MEGF10: variants seen among roughly 807,000 people sequenced by gnomAD.
The protein encoded by MEGF10 is multiple EGF like domains 10, also known as multiple epidermal growth factor-like domains protein 10.
In MEGF10, 86 loss-of-function variants were observed where a neutral mutation model predicts 147.5. The observed-to-expected ratio is 0.58, with a 90% CI of 0.49 to 0.70. MEGF10 has a LOEUF of 0.70. Among genes scored for constraint, MEGF10 ranks in the 30% least tolerant of loss-of-function variants. The pLI, the probability that MEGF10 is intolerant of heterozygous loss-of-function variation, is 0.00. For synonymous variants in MEGF10, 478 were observed against 525.5 expected, an observed-to-expected ratio of 0.91 and a Z score of 1.24; for missense variants, 1,329 against 1,487.3, an observed-to-expected ratio of 0.89 and a Z score of 1.75.
At chr5:127,308,358 C>G (rs1237110275) in intron 1 of MEGF10, among the ~76,000 whole-genome samples, 1 of 152,146 alleles carries the variant, frequency 6.6e-6, no homozygotes, top group Non-Finnish European at 1.5e-5. Context: ...AGGTCCAGAT[C>G]CCTAAGATAT....
intron 5 of MEGF10, among the ~76,000 whole-genome samples, chr5:127,395,292 G>A (rs1032106651): frequency 2.0e-5 from 3 of 151,866 alleles, no homozygotes; most frequent in African/African-American, 7.3e-5. Context: ...TTGTATTGCA[G>A]CCGCTCTTTC....
At chr5:127,384,924 C>T (rs182576769) in intron 5 of MEGF10, among the ~76,000 whole-genome samples, 1 of 152,118 alleles carries the variant, frequency 6.6e-6, no homozygotes, top group African/African-American at 2.4e-5. Flanking sequence ...AATGACACAC[C>T]ACAGCCTTGT....
chr5:127,447,506 C>T (rs1330810997), intron 20 of MEGF10, 51 bp from the exon 21 acceptor site: 1 of 1,606,998 alleles, frequency 6.2e-7, no homozygotes, highest in Non-Finnish European at 8.5e-7. Context: ...CCTTTTTTCA[C>T]ACACATTTAT....
At chr5:127,372,286 T>A (rs903596341) in intron 5 of MEGF10, among the ~76,000 whole-genome samples, 10 of 152,248 alleles carry the variant, frequency 6.6e-5, no homozygotes, top group African/African-American at 2.4e-4. Flanking sequence ...CAGTAATTTT[T>A]AAATTTTTAA....
chr5:127,361,944 A>G (rs972295049), intron 4 of MEGF10, among the ~76,000 whole-genome samples: 1 of 152,172 alleles, frequency 6.6e-6, no homozygotes, highest in East Asian at 1.9e-4. Context: ...ATTTCATAGA[A>G]TATAACTTGA....
At position 127,396,641 on chromosome 5, in the gene MEGF10, G is replaced by A. The variant is rs201076330; in HGVS notation, c.522G>A (p.Arg174=). 5.7e-5 allele frequency: 92 copies of A among 1,614,044 alleles called. No homozygotes were observed. In the East Asian group the frequency reaches 1.7e-3, roughly 29 times the overall value. The change falls in exon 6 of 25, where the codon CGG becomes CGA. Residue 174 remains arginine, a synonymous_variant. Transcript: ENST00000503335. ...TGACHCAAGF[R]GWRCEDRCEQ... ...CTTGCCACTGTGCTGCGGGCTTCCG[G>A]GGCTGGCGCTGCGAGGACCGCTGTG...
At chr5:127,422,950 T>C (rs1038402189) in intron 13 of MEGF10, among the ~76,000 whole-genome samples, 178 bp downstream of exon 13, 2 of 152,164 alleles carry the variant, frequency 1.3e-5, no homozygotes, top group Non-Finnish European at 2.9e-5. Flanking sequence ...TTTTTGTTGA[T>C]TTGTGTAGGG....
intron 1 of MEGF10, among the ~76,000 whole-genome samples, chr5:127,310,010 CTTTCTTTTTTTCTTTCTTTCT>C (rs1760209636): frequency 2.3e-5 from 1 of 43,914 alleles, no homozygotes; most frequent in African/African-American, 8.6e-5. Context: ...TCCTTCCTTC[CTTTCTTTTTTTCTTTCTTTCT>C]TTCCTTCTTT....
At chr5:127,345,570 C>T (rs1161048652) in intron 4 of MEGF10, among the ~76,000 whole-genome samples, 2 of 152,034 alleles carry the variant, frequency 1.3e-5, no homozygotes, top group Non-Finnish European at 2.9e-5. Flanking sequence ...ATCTGTGATT[C>T]CTTGTGGTGG....
Position 127,443,429 on chromosome 5 carries a change from A to G in MEGF10, c.2491+303A>G, listed in dbSNP as rs185245474. Among the ~76,000 whole-genome samples, 422 of 152,282 alleles carry G rather than the reference A, an allele frequency of 2.8e-3. 3 individuals carry two copies. Among genetic ancestry groups the G allele is most frequent in the African/African-American group, 9.7e-3 (401 of 41,550 alleles). ...AACTCATGAACTTTCTACTGGGTCTATGATTTTTTTTCAGCTTTATTGAGG... is the reference window on the plus strand; with the variant it reads ...AACTCATGAACTTTCTACTGGGTCTGTGATTTTTTTTCAGCTTTATTGAGG... On this transcript the variant is annotated intron_variant, in intron 19 of 24. Coordinates refer to ENST00000503335, the MANE Select transcript of MEGF10 (RefSeq NM_001256545.2).
chr5:127,438,660 A>G, intron 17 of MEGF10, 93 bp downstream of exon 17: 1 of 1,397,064 alleles, frequency 7.2e-7, no homozygotes, highest in Non-Finnish European at 9.8e-7. Flanking sequence ...AGCTCAACAA[A>G]GGTCCCTGAG....
At chr5:127,345,882 G>A (rs188517884) in intron 4 of MEGF10, among the ~76,000 whole-genome samples, 30 of 152,168 alleles carry the variant, frequency 2.0e-4, no homozygotes, top group African/African-American at 6.7e-4. Context: ...AAAGCCTATC[G>A]TATCATTCGT....
chr5:127,387,424 A>G (rs1449729292), intron 5 of MEGF10, among the ~76,000 whole-genome samples: 1 of 152,202 alleles, frequency 6.6e-6, no homozygotes, highest in Non-Finnish European at 1.5e-5. Context: ...CTGCTGCTAC[A>G]TCTTGAAGCC....
chr5:127,436,205 A>G (rs2127005368), intron 16 of MEGF10, among the ~76,000 whole-genome samples: 1 of 152,366 alleles, frequency 6.6e-6, no homozygotes, highest in South Asian at 2.1e-4. Context: ...CATGCACATA[A>G]GAGAAATCAA....
rs1762840771 is a variant in MEGF10, at chr5:127,371,255, C to G, written c.412+1253C>G. ...TGTGTGTGTGTGTGTGTCTTTCTGCCCCTGACAGGCTTCTCAATTCCAGGG... is the reference window on the plus strand; with the variant it reads ...TGTGTGTGTGTGTGTGTCTTTCTGCGCCTGACAGGCTTCTCAATTCCAGGG... On this transcript the variant is annotated intron_variant, in intron 5 of 24. Coordinates refer to ENST00000503335, the MANE Select transcript of MEGF10 (RefSeq NM_001256545.2). 2.0e-5 allele frequency among the ~76,000 whole-genome samples: 3 copies of G among 147,040 alleles called. No individual in the cohort carries two copies. The South Asian group carries it at 6.5e-4, about 32-fold the overall frequency.
At chr5:127,247,365 GAAGAAGAAGAA>G in the MEGF10 span, among the ~76,000 whole-genome samples, 1 of 4,008 alleles carries the variant, frequency 2.5e-4, no homozygotes, top group African/African-American at 1.3e-3. Flanking sequence ...AGAAGAAGAA[GAAGAAGAAGAA>G]GAAGAAGAAG....
At chr5:127,441,867 G>T (rs567587764) in intron 18 of MEGF10, among the ~76,000 whole-genome samples, 1 of 152,258 alleles carries the variant, frequency 6.6e-6, no homozygotes, top group African/African-American at 2.4e-5. Context: ...TCAATTTTAT[G>T]TGCTAAACCC....
Position 127,422,743 on chromosome 5 carries a change from G to T in MEGF10, c.1664G>T (p.Gly555Val). The T allele has an allele frequency of 6.2e-7, 1 of 1,614,114 alleles. No homozygotes were observed. The highest frequency in any genetic ancestry group is 8.5e-7 in the Non-Finnish European group (1 of 1,179,994). Residue 555 changes from glycine to valine, a missense_variant, in exon 13 of 25, where the codon GGC (glycine) becomes GTC (valine). By Grantham distance (109) the Gly-to-Val change is moderately radical. This residue lies in a region of MEGF10 where 980 missense variants were observed against 1,085.9 expected (regional missense o/e 0.90). Transcript: ENST00000503335. ...GCAGATGGCTGCCACCCTACCACGG[G>T]CCATTGCCGCTGCCTCCCCGGATGG... The part of the protein sequence containing the change: ...SHADGCHPTT[G>V]HCRCLPGWSG...
Position 127,385,009 on chromosome 5 carries a change from T to C in MEGF10, c.413-11523T>C, listed in dbSNP as rs186557698. Reference sequence around the variant, plus strand: ...GGAACTGAGGCTTAAGAAGAAAGGGTGTATGTTTCAGGAAGAACCATGTTT... The same window carrying C: ...GGAACTGAGGCTTAAGAAGAAAGGGCGTATGTTTCAGGAAGAACCATGTTT... On this transcript the variant is annotated intron_variant, in intron 5 of 24. Transcript: ENST00000503335. Among the ~76,000 whole-genome samples, 25 of 152,232 alleles carry C rather than the reference T, an allele frequency of 1.6e-4. No homozygotes were observed. In the East Asian group the frequency reaches 4.4e-3, roughly 27 times the overall value.
Sources: gnomAD v4.1 joint callset for allele counts (sites outside exome capture counted in the v4.1 genomes callset) on GRCh38, gnomAD v4.1.1 for gene constraint, gnomAD v4.1.1 regional missense constraint, MANE v1.5 for transcripts, NCBI Gene and HGNC (gene_info 2026-07-23, HGNC 2026-07-21) for gene names.